The following DCC variants were observed in gnomAD, a reference collection of about 807,000 sequenced individuals.
DCC encodes DCC netrin 1 receptor, also known as netrin receptor DCC.
In DCC, 58 loss-of-function variants were observed where a neutral mutation model predicts 172.5. The observed-to-expected ratio is 0.34, with a 90% CI of 0.27 to 0.42. The LOEUF is 0.42. DCC is among the 10% of genes least tolerant of loss of function. DCC has a pLI of 1.00. For missense variants in DCC, 1,740 were observed against 1,791.0 expected (o/e 0.97, Z 0.51); for synonymous variants, 709 against 644.5 (o/e 1.10, Z -1.52).
At chr18:53,285,242 C>T (rs2056922268) in intron 12 of DCC, among the ~76,000 whole-genome samples, 1 of 152,174 alleles carries the variant, frequency 6.6e-6, no homozygotes, top group South Asian at 2.1e-4. Flanking sequence ...ACCTTTGTGG[C>T]AGACCCTCCC....
intron 9 of DCC, among the ~76,000 whole-genome samples, chr18:53,190,617 A>T (rs1446636216): frequency 6.6e-6 from 1 of 152,188 alleles, no homozygotes; most frequent in Non-Finnish European, 1.5e-5. Flanking sequence ...ATTGATAAAA[A>T]TTAGTTCAGA....
At position 53,179,206 on chromosome 18, in the gene DCC, G is replaced by A. The variant is rs189766771; in HGVS notation, c.1573+90G>A. The A allele has an allele frequency of 2.1e-4, 275 of 1,320,810 alleles. No homozygotes were observed. In the African/African-American group the frequency reaches 3.3e-3, roughly 16 times the overall value. The allele number at this position is 1,320,810 out of a possible 1,614,324, so 81.8% of individuals were successfully genotyped here. On this transcript the variant is annotated intron_variant, in intron 9 of 28. Transcript: ENST00000442544. The stretch of plus-strand genomic sequence containing the variant: ...TTCTTTCACAGAACCTTTGCGAAGT[G>A]ACAAAAGCGAAGAAGAGTTTTTTTT...
chr18:52,994,851 C>T (rs1436852720), intron 5 of DCC, among the ~76,000 whole-genome samples: 1 of 152,030 alleles, frequency 6.6e-6, no homozygotes, highest in African/African-American at 2.4e-5. Context: ...GGAGAATGGG[C>T]ATACGTATGG....
intron 6 of DCC, among the ~76,000 whole-genome samples, 174 bp from the exon 7 acceptor site, chr18:53,065,872 G>A (rs2042558565): frequency 1.3e-5 from 2 of 152,098 alleles, no homozygotes; most frequent in African/African-American, 4.8e-5. Context: ...AAATTGGGAA[G>A]GTATGACTTT....
intron 14 of DCC, among the ~76,000 whole-genome samples, chr18:53,338,750 G>T (rs1001167117): frequency 1.3e-5 from 2 of 152,088 alleles, no homozygotes; most frequent in Non-Finnish European, 1.5e-5. Context: ...CCCTTTAAAA[G>T]AAAATATATG....
Position 52,603,459 on chromosome 18 carries a change from T to C in DCC, c.92-148595T>C, listed in dbSNP as rs564620824. On this transcript the variant is annotated intron_variant, in intron 1 of 28. Coordinates refer to ENST00000442544, the MANE Select transcript of DCC (RefSeq NM_005215.4). ...AAGGAGAATAGGAAAACTATCAAGA[T>C]GGGAAAACTAGGTAGAAAGTAAATT... 1.2e-4 allele frequency among the ~76,000 whole-genome samples: 18 copies of C among 151,956 alleles called. No individual in the cohort carries two copies. The East Asian group carries it at 3.5e-3, about 29-fold the overall frequency.
At chr18:52,371,679 G>A (rs544103960) in intron 1 of DCC, among the ~76,000 whole-genome samples, 3 of 152,156 alleles carry the variant, frequency 2.0e-5, no homozygotes, top group South Asian at 2.1e-4. Flanking sequence ...TATGGAGTTC[G>A]TTTGTCATGG....
chr18:52,675,691 T>C (rs1841786193), intron 1 of DCC, among the ~76,000 whole-genome samples: 1 of 152,190 alleles, frequency 6.6e-6, no homozygotes, highest in South Asian at 2.1e-4. Context: ...TTGTACTGTG[T>C]TTACTAAAGC....
At chr18:53,476,679 C>T (rs2145200068) in intron 25 of DCC, among the ~76,000 whole-genome samples, 1 of 152,174 alleles carries the variant, frequency 6.6e-6, no homozygotes, top group Middle Eastern at 3.4e-3. Context: ...CAGACTAATA[C>T]AGGGTTAGAA....
intron 9 of DCC, among the ~76,000 whole-genome samples, chr18:53,188,310 AC>A (rs1284958546): frequency 3.9e-5 from 6 of 152,222 alleles, no homozygotes; most frequent in African/African-American, 1.4e-4. Flanking sequence ...CAATGGGCTT[AC>A]AATAATGGCA....
chr18:53,425,355 C>CTTTTTTT lies in DCC; in HGVS notation c.3163+9200_3163+9201insTTTTTTT, dbSNP rs1338640000. Reference sequence around the variant, plus strand: ...GTCCACAATTTTCCCCGTTTCTCCTCTCTTTTTTTTTTTTTTTTTTTTGAG... The same window carrying CTTTTTTT: ...GTCCACAATTTTCCCCGTTTCTCCTCTTTTTTTTCTTTTTTTTTTTTTTTTTTTTGAG... On this transcript the variant is annotated intron_variant, in intron 21 of 28. Transcript: ENST00000442544. 1.9e-4 allele frequency among the ~76,000 whole-genome samples: 16 copies of CTTTTTTT among 86,484 alleles called. 1 individual carries two copies. Among genetic ancestry groups the CTTTTTTT allele is most frequent in the African/African-American group, 5.6e-4 (16 of 28,668 alleles). The allele number at this position is 86,484 out of a possible 152,430, so 56.7% of individuals were successfully genotyped here.
intron 1 of DCC, among the ~76,000 whole-genome samples, chr18:52,743,565 C>T (rs1035344779): frequency 2.0e-5 from 3 of 152,168 alleles, no homozygotes; most frequent in East Asian, 1.9e-4. Flanking sequence ...GTTACTCTCC[C>T]GCTCCAACTT....
At chr18:53,204,127 T>G (rs1037107334) in intron 9 of DCC, among the ~76,000 whole-genome samples, 3 of 145,038 alleles carry the variant, frequency 2.1e-5, no homozygotes, top group Non-Finnish European at 2.9e-5. Context: ...TATGCTTTAC[T>G]GCAAATATAT....
intron 27 of DCC, among the ~76,000 whole-genome samples, chr18:53,520,364 C>G (rs550347437): frequency 6.6e-6 from 1 of 152,182 alleles, no homozygotes; most frequent in Admixed American, 6.6e-5. Context: ...TGAACATAGT[C>G]CATACCAGCA....
chr18:53,461,219 C>A (rs956815387), intron 24 of DCC, among the ~76,000 whole-genome samples: 21 of 151,846 alleles, frequency 1.4e-4, no homozygotes, highest in African/African-American at 4.8e-4. Flanking sequence ...AATTTTCTCC[C>A]ATTTTGTAGG....
intron 18 of DCC, among the ~76,000 whole-genome samples, chr18:53,397,791 T>C (rs1418448840): frequency 6.6e-6 from 1 of 152,114 alleles, no homozygotes; most frequent in Non-Finnish European, 1.5e-5. Flanking sequence ...CTTTGAACAA[T>C]TGTCATGGTA....
At chr18:53,508,650 G>A (rs2046214033) in intron 27 of DCC, among the ~76,000 whole-genome samples, 1 of 152,098 alleles carries the variant, frequency 6.6e-6, no homozygotes, top group African/African-American at 2.4e-5. Flanking sequence ...CAGGCTGCTT[G>A]GTGCACACAT....
rs1336371099 is a variant in DCC at position 53,470,387 on chromosome 18, A to C, written c.3736+2377A>C. ...ACAAGCATTTTGGTCAAAACTGTTC[A>C]TCAAGTCTCTAGGCAATTCCAAACT... On this transcript the variant is annotated intron_variant, in intron 25 of 28. Coordinates refer to ENST00000442544, the MANE Select transcript of DCC (RefSeq NM_005215.4). Among the ~76,000 whole-genome samples the C allele has an allele frequency of 2.0e-5, 3 of 152,152 alleles. No homozygotes were observed. In the East Asian group the frequency reaches 5.8e-4, roughly 29 times the overall value.
chr18:52,801,506 AAAG>A (rs2037984167), intron 2 of DCC, among the ~76,000 whole-genome samples: 1 of 152,238 alleles, frequency 6.6e-6, no homozygotes, highest in Non-Finnish European at 1.5e-5. Context: ...AAAATTTCCA[AAAG>A]AAGATTGCCT....
Sources: gnomAD v4.1 joint callset for allele counts (sites outside exome capture counted in the v4.1 genomes callset) on GRCh38, gnomAD v4.1.1 for gene constraint, MANE v1.5 for transcripts, NCBI Gene and HGNC (gene_info 2026-07-23, HGNC 2026-07-21) for gene names.